Variants in LRRC37A2 observed in about 807,000 individuals in gnomAD.
LRRC37A2 encodes leucine-rich repeat-containing protein 37A2.
A neutral mutation model predicts 68.8 loss-of-function variants in LRRC37A2; 9 were observed. The observed-to-expected ratio is 0.13, with a 90% CI of 0.08 to 0.23. The LOEUF (loss-of-function observed/expected upper bound fraction) is 0.23, where lower values mean the gene tolerates loss of function less well. LRRC37A2 is among the 10% of genes least tolerant of loss of function. LRRC37A2 has a pLI of 1.00. For synonymous variants in LRRC37A2, 63 were observed against 367.6 expected, an observed-to-expected ratio of 0.17 and a Z score of 9.48; for missense variants, 168 against 950.4, an observed-to-expected ratio of 0.18 and a Z score of 10.82.
the LRRC37A2 span, among the ~76,000 whole-genome samples, chr17:47,034,456 T>C: frequency 6.6e-6 from 1 of 152,084 alleles, no homozygotes; most frequent in Non-Finnish European, 1.5e-5. Context: ...TCAGAGGTAA[T>C]GCTGAGCTCA....
chr17:46,928,651 G>A, the LRRC37A2 span, among the ~76,000 whole-genome samples: 4 of 152,032 alleles, frequency 2.6e-5, no homozygotes, highest in African/African-American at 9.7e-5. Flanking sequence ...TGATATTGTC[G>A]GAGAAGGATG....
the LRRC37A2 span, among the ~76,000 whole-genome samples, chr17:46,779,701 G>C: frequency 4.0e-4 from 61 of 152,312 alleles, no homozygotes; most frequent in African/African-American, 1.5e-3. Flanking sequence ...CCCTGATAAC[G>C]CCTGCTGTGG....
At chr17:46,771,974 C>A in the LRRC37A2 span, among the ~76,000 whole-genome samples, 23 of 150,136 alleles carry the variant, frequency 1.5e-4, no homozygotes, top group South Asian at 8.3e-4. Context: ...CCGACCCCGC[C>A]GCCCCCAGAC....
chr17:46,876,271 G>A, the LRRC37A2 span: 6,962 of 1,612,874 alleles, frequency 4.3e-3, 21 homozygotes, highest in Non-Finnish European at 5.2e-3. Context: ...TCAGGACCAC[G>A]TGTAAGTGCC....
At chr17:46,403,802 C>A in the LRRC37A2 span, among the ~76,000 whole-genome samples, 18 of 80,814 alleles carry the variant, frequency 2.2e-4, no homozygotes, top group African/African-American at 8.1e-4. Context: ...GGGCTCACGC[C>A]TTTCTCCTGC....
the LRRC37A2 span, chr17:46,933,034 A>G: frequency 1.3e-5 from 2 of 152,310 alleles, no homozygotes; most frequent in Admixed American, 6.5e-5. Flanking sequence ...GGCTGTGCCA[A>G]CATAGTTTTT....
the LRRC37A2 span, among the ~76,000 whole-genome samples, chr17:46,929,321 A>G: frequency 6.6e-6 from 1 of 152,320 alleles, no homozygotes; most frequent in South Asian, 2.1e-4. Flanking sequence ...TAATCTGCCT[A>G]TCAGTGTTAT....
chr17:46,848,004 A>G, the LRRC37A2 span, among the ~76,000 whole-genome samples: 29,834 of 144,904 alleles, frequency 0.21, 3,590 homozygotes, highest in East Asian at 0.51. Flanking sequence ...GTGCACGTGC[A>G]TGTGTGCACA....
At chr17:46,785,788 CG>C in the LRRC37A2 span, among the ~76,000 whole-genome samples, 1 of 149,808 alleles carries the variant, frequency 6.7e-6, no homozygotes, top group East Asian at 2.0e-4. Context: ...GAAGAGGCTG[CG>C]GGCCCTGTGC....
At chr17:46,863,120 G>A in the LRRC37A2 span, among the ~76,000 whole-genome samples, 1 of 56 alleles carries the variant, frequency 0.018, no homozygotes, top group Non-Finnish European at 0.036. Context: ...TAGGGAGGGC[G>A]TGGCACAGGC....
the LRRC37A2 span, among the ~76,000 whole-genome samples, chr17:46,633,847 A>G: frequency 8.3e-6 from 1 of 120,296 alleles, no homozygotes; most frequent in East Asian, 3.9e-4. Flanking sequence ...TACTCAGCAT[A>G]TAACCTGTAC....
chr17:47,021,796 T>C, the LRRC37A2 span: 1 of 1,184,542 alleles, frequency 8.4e-7, no homozygotes, highest in South Asian at 1.2e-5. Flanking sequence ...CTTTTACTTA[T>C]CGTGTTCATT....
chr17:46,770,720 A>G, the LRRC37A2 span, among the ~76,000 whole-genome samples: 3 of 152,126 alleles, frequency 2.0e-5, no homozygotes, highest in African/African-American at 7.2e-5. Context: ...CCAGAAGGGT[A>G]GGGACACCGG....
the LRRC37A2 span, among the ~76,000 whole-genome samples, chr17:46,795,389 C>T: frequency 2.0e-4 from 31 of 152,120 alleles, no homozygotes; most frequent in African/African-American, 5.3e-4. Flanking sequence ...GGCTCCCCTC[C>T]GAGGTGGGGA....
the LRRC37A2 span, among the ~76,000 whole-genome samples, chr17:46,802,972 T>C: frequency 1.3e-5 from 2 of 152,166 alleles, no homozygotes; most frequent in African/African-American, 2.4e-5. Flanking sequence ...CAGGAGCACA[T>C]GTAAAGCAGC....
chr17:47,026,397 G>A, the LRRC37A2 span, among the ~76,000 whole-genome samples: 1 of 152,190 alleles, frequency 6.6e-6, no homozygotes, highest in Non-Finnish European at 1.5e-5. Context: ...GTGCTGTAAG[G>A]TAGATCTGCA....
At chr17:46,725,271 A>G in the LRRC37A2 span, among the ~76,000 whole-genome samples, 1 of 152,240 alleles carries the variant, frequency 6.6e-6, no homozygotes, top group African/African-American at 2.4e-5. Flanking sequence ...GGCACTACAC[A>G]TAACATGAAC....
chr17:46,761,500 A>AAT, the LRRC37A2 span, among the ~76,000 whole-genome samples: 1 of 151,574 alleles, frequency 6.6e-6, no homozygotes, highest in African/African-American at 2.4e-5. Flanking sequence ...CCCAGCTGCT[A>AAT]ATTTTTGTAT....
At chr17:46,915,283 G>A in the LRRC37A2 span, among the ~76,000 whole-genome samples, 9 of 152,148 alleles carry the variant, frequency 5.9e-5, no homozygotes, top group Admixed American at 1.3e-4. Flanking sequence ...GAATGGTAAC[G>A]GGAGCCCCTA....
Sources: gnomAD v4.1 joint callset for allele counts (sites outside exome capture counted in the v4.1 genomes callset) on GRCh38, gnomAD v4.1.1 for gene constraint, MANE v1.5 for transcripts, NCBI Gene and HGNC (gene_info 2026-07-23, HGNC 2026-07-21) for gene names.